ANTXR2: variants seen among roughly 807,000 people sequenced by gnomAD.
ANTXR2 encodes anthrax toxin receptor 2.
A neutral mutation model predicts 73.7 loss-of-function variants in ANTXR2; 44 were observed. The observed-to-expected ratio is 0.60, with a 90% CI of 0.47 to 0.77. The LOEUF (loss-of-function observed/expected upper bound fraction) is 0.77. Among genes scored for constraint, ANTXR2 ranks in the 30% least tolerant of loss-of-function variants. The pLI, the probability that ANTXR2 is intolerant of heterozygous loss-of-function variation, is 0.00. For synonymous variants in ANTXR2, 217 were observed against 205.9 expected (o/e 1.05, Z -0.46); for missense variants, 604 against 592.5 (o/e 1.02, Z -0.20).
At chr4:80,013,465 C>G (rs1003273512) in intron 11 of ANTXR2, among the ~76,000 whole-genome samples, 1 of 152,184 alleles carries the variant, frequency 6.6e-6, no homozygotes, top group African/African-American at 2.4e-5. Flanking sequence ...CTGAAGCATA[C>G]AGAGGAGCTT....
At position 80,007,418 on chromosome 4, in the gene ANTXR2, A is replaced by T. The variant is rs1368904217; in HGVS notation, c.1041+1103T>A. ...ATAATTTTTTTTCTATGAAACCTGA[A>T]CAATCTAAATTGGATTGCTTGAAAT... On this transcript the variant is annotated intron_variant, in intron 12 of 16. Coordinates refer to ENST00000403729, the MANE Select transcript of ANTXR2 (RefSeq NM_058172.6). Among the ~76,000 whole-genome samples, 3 of 152,162 alleles carry T rather than the reference A, an allele frequency of 2.0e-5. No individual in the cohort carries two copies. The East Asian group carries it at 5.8e-4, about 29-fold the overall frequency.
At chr4:80,051,061 T>TG in intron 7 of ANTXR2, among the ~76,000 whole-genome samples, 1 of 151,820 alleles carries the variant, frequency 6.6e-6, no homozygotes. Context: ...TGAAGTTCTG[T>TG]GCTCTTTGTT....
At chr4:79,957,157 T>C (rs1728920792) in intron 16 of ANTXR2, among the ~76,000 whole-genome samples, 1 of 152,156 alleles carries the variant, frequency 6.6e-6, no homozygotes, top group Admixed American at 6.6e-5. Flanking sequence ...AAACACATAT[T>C]ATTTCCATTC....
At chr4:79,931,964 A>G (rs1479403794) in intron 16 of ANTXR2, among the ~76,000 whole-genome samples, 1 of 152,098 alleles carries the variant, frequency 6.6e-6, no homozygotes, top group African/African-American at 2.4e-5. Context: ...TGATATCATT[A>G]TTTGCCCATT....
At chr4:79,935,166 A>G (rs2109966419) in intron 16 of ANTXR2, among the ~76,000 whole-genome samples, 1 of 152,200 alleles carries the variant, frequency 6.6e-6, no homozygotes, top group East Asian at 1.9e-4. Flanking sequence ...CTTAAAATTA[A>G]AGTATATGAC....
intron 7 of ANTXR2, among the ~76,000 whole-genome samples, chr4:80,053,466 G>T (rs1296452810): frequency 1.3e-5 from 2 of 151,562 alleles, no homozygotes; most frequent in Non-Finnish European, 3.0e-5. Flanking sequence ...TCTTTAAAGA[G>T]AAATTTAAAA....
chr4:79,928,660 A>T (rs1727927416), intron 16 of ANTXR2, among the ~76,000 whole-genome samples: 1 of 152,156 alleles, frequency 6.6e-6, no homozygotes, highest in Admixed American at 6.5e-5. Flanking sequence ...CAGTAATAAG[A>T]ATAGTATGAA....
At chr4:79,948,868 T>G (rs1728604441) in intron 16 of ANTXR2, among the ~76,000 whole-genome samples, 1 of 152,110 alleles carries the variant, frequency 6.6e-6, no homozygotes, top group African/African-American at 2.4e-5. Context: ...AGCAAAGTCT[T>G]TAATGTAGGC....
chr4:80,013,900 A>G (rs999082379), intron 11 of ANTXR2, among the ~76,000 whole-genome samples: 1 of 152,198 alleles, frequency 6.6e-6, no homozygotes, highest in African/African-American at 2.4e-5. Context: ...GAATTGTAGT[A>G]TTTATTATCC....
chr4:79,984,596 A>C (rs528070192), intron 13 of ANTXR2, among the ~76,000 whole-genome samples: 1 of 152,270 alleles, frequency 6.6e-6, no homozygotes, highest in East Asian at 1.9e-4. Context: ...TGTACTATTG[A>C]TTCCAATGGC....
At chr4:79,977,582 A>G in intron 16 of ANTXR2, 39 bp downstream of exon 16, 1 of 1,553,684 alleles carries the variant, frequency 6.4e-7, no homozygotes. Flanking sequence ...TACTGACTCA[A>G]GCAGTTAGCT....
rs113299494 is a variant in ANTXR2 at position 79,949,436 on chromosome 4, T to C, written c.1428+28185A>G. Among the ~76,000 whole-genome samples the C allele has an allele frequency of 1.4e-4, 21 of 152,314 alleles. 1 individual carries two copies. Among genetic ancestry groups the C allele is most frequent in the African/African-American group, 4.8e-4 (20 of 41,584 alleles). ...CTGTCCCAGGTGGGTGACCATACTG[T>C]CATAATCCTTATCGCTATGGTCTTC... On this transcript the variant is annotated intron_variant, in intron 16 of 16. Transcript: ENST00000403729.
chr4:80,019,249 C>A (rs931853785), intron 10 of ANTXR2, among the ~76,000 whole-genome samples: 2 of 152,078 alleles, frequency 1.3e-5, no homozygotes, highest in Admixed American at 6.6e-5. Flanking sequence ...CCCCTGTAAT[C>A]TCAGCTACTC....
intron 11 of ANTXR2, among the ~76,000 whole-genome samples, chr4:80,017,527 T>A (rs531565312): frequency 3.2e-4 from 21 of 66,654 alleles, no homozygotes; most frequent in African/African-American, 9.7e-4. Flanking sequence ...AAAGTCTTCC[T>A]TAAAGCACCA....
chr4:80,049,346 A>G (rs1353351337), intron 7 of ANTXR2, among the ~76,000 whole-genome samples: 2 of 151,774 alleles, frequency 1.3e-5, no homozygotes, highest in African/African-American at 4.8e-5. Flanking sequence ...ACTAGTTCAA[A>G]TAAAATTTCA....
chr4:80,003,736 G>A (rs577699161), intron 12 of ANTXR2, among the ~76,000 whole-genome samples: 1 of 152,020 alleles, frequency 6.6e-6, no homozygotes, highest in East Asian at 1.9e-4. Flanking sequence ...TATTAGAATG[G>A]CAATAATAAA....
intron 11 of ANTXR2, 145 bp from the exon 12 acceptor site, chr4:80,008,761 T>A: frequency 2.1e-6 from 1 of 476,658 alleles, no homozygotes; most frequent in Non-Finnish European, 3.6e-6. Flanking sequence ...TTTAATTTCT[T>A]GAAATTCTAC....
At chr4:80,041,928 T>C (rs1384752442) in intron 7 of ANTXR2, among the ~76,000 whole-genome samples, 1 of 151,968 alleles carries the variant, frequency 6.6e-6, no homozygotes, top group East Asian at 1.9e-4. Context: ...GCAATAAACA[T>C]ACGCATGCAT....
intron 16 of ANTXR2, among the ~76,000 whole-genome samples, chr4:79,919,865 T>TTA (rs869257072): frequency 9.0e-3 from 159 of 17,678 alleles, no homozygotes; most frequent in Non-Finnish European, 0.01. Flanking sequence ...AATACATATT[T>TTA]TATATATATA....
Sources: allele counts gnomAD v4.1 joint callset (sites outside exome capture counted in the v4.1 genomes callset), GRCh38; gene constraint gnomAD v4.1.1; transcripts MANE v1.5; gene names NCBI Gene and HGNC (gene_info 2026-07-23, HGNC 2026-07-21).